Variants in LTBP1 observed in about 807,000 individuals in gnomAD.
LTBP1 encodes the protein latent-transforming growth factor beta-binding protein 1.
LTBP1 carries 129 observed loss-of-function variants against 207.6 expected under a neutral mutation model. The observed-to-expected ratio is 0.62, with a 90% CI of 0.54 to 0.72. The LOEUF (loss-of-function observed/expected upper bound fraction) is 0.72, where lower values mean the gene tolerates loss of function less well. Among genes scored for constraint, LTBP1 ranks in the 30% least tolerant of loss-of-function variants. The pLI, the probability that LTBP1 is intolerant of heterozygous loss-of-function variation, is 0.00. For synonymous variants in LTBP1, 963 were observed against 833.7 expected (o/e 1.16, Z -2.67); for missense variants, 2,281 against 2,217.2 (o/e 1.03, Z -0.58).
rs766668066 is a variant in LTBP1 at position 33,275,008 on chromosome 2, C to A, written c.2787C>A (p.Gly929=). 6 of 1,614,074 alleles carry A rather than the reference C, an allele frequency of 3.7e-6. No homozygotes were observed. The highest frequency in any genetic ancestry group is 5.1e-6 in the Non-Finnish European group (6 of 1,179,962). The change falls in exon 17 of 34, where the codon GGC becomes GGA. Residue 929 remains glycine (G), a synonymous_variant. Transcript: ENST00000404816. ...CTQVQHLCSQ[G]RCENTEGSFL... Reference sequence around the variant, plus strand: ...AGGTCCAACACCTCTGCTCCCAGGGCCGCTGTGAAAACACCGAGGGAAGTT... The same window carrying A: ...AGGTCCAACACCTCTGCTCCCAGGGACGCTGTGAAAACACCGAGGGAAGTT...
Position 33,279,910 on chromosome 2 carries a change from T to C in LTBP1, c.2993-129T>C, listed in dbSNP as rs537731512. 164 of 896,430 alleles carry C rather than the reference T, an allele frequency of 1.8e-4. 4 individuals are homozygous for C. The South Asian group carries it at 2.5e-3, about 14-fold the overall frequency. 55.5% of individuals were successfully genotyped at this position (896,430 alleles called of 1,614,324 possible). ...TTAAGTATAGACCCAATGTCTCACT[T>C]ACCCAATTATTGTTTTTCCCACTGA... On this transcript the variant is annotated intron_variant, in intron 18 of 33. Transcript: ENST00000404816.
intron 5 of LTBP1, among the ~76,000 whole-genome samples, chr2:33,147,270 G>A (rs1174269919): frequency 6.6e-6 from 1 of 152,124 alleles, no homozygotes; most frequent in Non-Finnish European, 1.5e-5. Flanking sequence ...CTTAGCTTTG[G>A]TGGAGAACCA....
intron 9 of LTBP1, among the ~76,000 whole-genome samples, chr2:33,238,592 C>G (rs149526503): frequency 0.017 from 2,607 of 152,272 alleles, 35 homozygotes; most frequent in Middle Eastern, 0.078. Flanking sequence ...ACACTGAGAT[C>G]AAGAGAAACT....
Position 33,378,256 on chromosome 2 carries a change from C to T in LTBP1, c.4712-10928C>T, listed in dbSNP as rs571197467. ...TTTGTTTGTTTTGGAGACAGAGTCT[C>T]GCTCTGTTGCCCAGGCTGGAGTGCA... On this transcript the variant is annotated intron_variant, in intron 31 of 33. Coordinates refer to ENST00000404816, the MANE Select transcript of LTBP1 (RefSeq NM_206943.4). 7.9e-4 allele frequency among the ~76,000 whole-genome samples: 119 copies of T among 151,190 alleles called. 1 individual carries two copies. The highest frequency in any genetic ancestry group is 2.2e-3 in the Admixed American group (33 of 15,116).
At chr2:33,192,651 T>C (rs1260000337) in intron 7 of LTBP1, among the ~76,000 whole-genome samples, 2 of 152,176 alleles carry the variant, frequency 1.3e-5, no homozygotes, top group Non-Finnish European at 1.5e-5. Flanking sequence ...CTAAGAGATA[T>C]TTTGGGAATA....
chr2:32,958,678 C>A (rs1678489198), intron 2 of LTBP1, among the ~76,000 whole-genome samples: 1 of 152,224 alleles, frequency 6.6e-6, no homozygotes, highest in African/African-American at 2.4e-5. Context: ...CCTCTAAATA[C>A]TATAGAAAGA....
intron 20 of LTBP1, among the ~76,000 whole-genome samples, chr2:33,298,789 G>C (rs1428376419): frequency 2.0e-5 from 3 of 152,082 alleles, no homozygotes; most frequent in Admixed American, 6.6e-5. Context: ...ATCAACTAAA[G>C]TAATTGCTAT....
intron 2 of LTBP1, among the ~76,000 whole-genome samples, chr2:33,014,177 G>A (rs560736014): frequency 1.3e-5 from 2 of 152,200 alleles, no homozygotes; most frequent in South Asian, 4.2e-4. Flanking sequence ...GATGGGCATG[G>A]TCCACGTATT....
intron 24 of LTBP1, among the ~76,000 whole-genome samples, chr2:33,341,254 G>A (rs2094615732): frequency 6.6e-6 from 1 of 152,126 alleles, no homozygotes; most frequent in South Asian, 2.1e-4. Context: ...TGAAGGCAGT[G>A]AGGGTAGGAT....
At chr2:32,980,283 T>C (rs1051233199) in intron 2 of LTBP1, among the ~76,000 whole-genome samples, 5 of 152,140 alleles carry the variant, frequency 3.3e-5, no homozygotes, top group African/African-American at 1.2e-4. Flanking sequence ...TGTTGGTATG[T>C]TGTAATTTCT....
intron 8 of LTBP1, among the ~76,000 whole-genome samples, chr2:33,217,873 G>A (rs576874383): frequency 6.6e-6 from 1 of 152,226 alleles, no homozygotes; most frequent in Admixed American, 6.5e-5. Context: ...ATCCTCTTTA[G>A]TTGGATTACT....
chr2:33,064,050 C>T (rs1572455737), intron 3 of LTBP1, among the ~76,000 whole-genome samples: 2 of 152,160 alleles, frequency 1.3e-5, no homozygotes, highest in African/African-American at 4.8e-5. Context: ...GACGGGGTTT[C>T]ACCATGTTGG....
At chr2:32,991,318 T>G (rs909451699) in intron 2 of LTBP1, among the ~76,000 whole-genome samples, 20 of 152,246 alleles carry the variant, frequency 1.3e-4, no homozygotes, top group Admixed American at 1.2e-3. Flanking sequence ...TACACACTAT[T>G]GTTCTTACTT....
intron 3 of LTBP1, among the ~76,000 whole-genome samples, chr2:33,059,770 AACTC>A (rs1418354254): frequency 1.3e-5 from 2 of 152,254 alleles, no homozygotes; most frequent in African/African-American, 4.8e-5. Context: ...TTTTCAAACT[AACTC>A]TGAAGTGAAA....
chr2:33,132,920 G>C (rs1230570549), intron 4 of LTBP1, among the ~76,000 whole-genome samples: 1 of 152,152 alleles, frequency 6.6e-6, no homozygotes, highest in African/African-American at 2.4e-5. Context: ...GTGAGGCCAT[G>C]GGGAACCAAA....
At chr2:33,060,437 G>A (rs898619177) in intron 3 of LTBP1, among the ~76,000 whole-genome samples, 4 of 151,924 alleles carry the variant, frequency 2.6e-5, no homozygotes, top group Non-Finnish European at 5.9e-5. Flanking sequence ...GATTATTATG[G>A]AGGACAATTT....
At chr2:33,305,588 T>G (rs915131040) in intron 22 of LTBP1, among the ~76,000 whole-genome samples, 7 of 152,152 alleles carry the variant, frequency 4.6e-5, no homozygotes, top group Admixed American at 6.5e-5. Flanking sequence ...TTTCCACTTT[T>G]GATGCCCAAG....
At chr2:33,237,066 T>C (rs1211748296) in intron 9 of LTBP1, among the ~76,000 whole-genome samples, 1 of 152,128 alleles carries the variant, frequency 6.6e-6, no homozygotes, top group Non-Finnish European at 1.5e-5. Context: ...CAGTGGGGCC[T>C]AGATAGAAGC....
chr2:33,222,911 C>T (rs980622904), intron 9 of LTBP1, among the ~76,000 whole-genome samples: 5 of 152,108 alleles, frequency 3.3e-5, no homozygotes, highest in African/African-American at 4.8e-5. Context: ...TTTCCCTTTA[C>T]ATGTCTAGGA....
Sources: gnomAD v4.1 joint callset for allele counts (sites outside exome capture counted in the v4.1 genomes callset) on GRCh38, gnomAD v4.1.1 for gene constraint, MANE v1.5 for transcripts, NCBI Gene and HGNC (gene_info 2026-07-23, HGNC 2026-07-21) for gene names.